Variants in SHISA9 observed in about 807,000 individuals in gnomAD.
SHISA9 encodes the protein shisa family member 9, also known as protein shisa-9.
SHISA9 carries 13 observed loss-of-function variants against 38.0 expected under a neutral mutation model. The observed-to-expected ratio is 0.34, with a 90% CI of 0.22 to 0.54. SHISA9 has a LOEUF of 0.54. Among genes scored for constraint, SHISA9 ranks in the 20% least tolerant of loss-of-function variants. The probability of loss-of-function intolerance (pLI) is 0.91; values close to 1 mark genes in which losing one functional copy is unlikely to be tolerated. For missense variants in SHISA9, 538 were observed against 575.8 expected (o/e 0.93, Z 0.67); for synonymous variants, 275 against 242.0 (o/e 1.14, Z -1.27).
the SHISA9 span, among the ~76,000 whole-genome samples, chr16:13,388,646 C>T: frequency 6.6e-6 from 1 of 152,174 alleles, no homozygotes; most frequent in Non-Finnish European, 1.5e-5. Flanking sequence ...CTGGTTCTAT[C>T]ATATGCTAAC....
At chr16:13,178,363 A>G (rs1005760003) in intron 2 of SHISA9, among the ~76,000 whole-genome samples, 11 of 150,896 alleles carry the variant, frequency 7.3e-5, no homozygotes, top group African/African-American at 2.7e-4. Flanking sequence ...TAAATTTTTA[A>G]TGGGACTGAA....
intron 2 of SHISA9, among the ~76,000 whole-genome samples, chr16:12,978,585 C>G (rs573392691): frequency 6.6e-6 from 1 of 152,278 alleles, no homozygotes; most frequent in East Asian, 1.9e-4. Flanking sequence ...ATATTTGCTT[C>G]CAAAGTAATC....
rs143875033 is a variant in SHISA9 at position 12,970,389 on chromosome 16, GTATA to G, written c.691+53585_691+53588del. Among the ~76,000 whole-genome samples, 87 of 34,676 alleles carry G rather than the reference GTATA, an allele frequency of 2.5e-3. 3 individuals are homozygous for G. The highest frequency in any genetic ancestry group is 0.031 in the Middle Eastern group (1 of 32). 22.7% of individuals were successfully genotyped at this position (34,676 alleles called of 152,430 possible). A position where few individuals can be genotyped will look rare whatever the true frequency, so the allele number is the denominator to read the frequency against. ...TATATACATATATATATACATATAT[GTATA>G]TATATATATACATATATATATATAC... On this transcript the variant is annotated intron_variant, in intron 2 of 4. Coordinates refer to ENST00000558583, the MANE Select transcript of SHISA9 (RefSeq NM_001145204.3).
intron 2 of SHISA9, among the ~76,000 whole-genome samples, chr16:13,011,739 T>C (rs1360159977): frequency 2.0e-5 from 3 of 152,202 alleles, no homozygotes; most frequent in Admixed American, 2.0e-4. Flanking sequence ...ACCAGGATGG[T>C]GTCGATCCCT....
chr16:13,115,203 G>C (rs995743584), intron 2 of SHISA9, among the ~76,000 whole-genome samples: 1 of 152,122 alleles, frequency 6.6e-6, no homozygotes, highest in African/African-American at 2.4e-5. Flanking sequence ...GCTGAGACCA[G>C]CTTGGTCAGG....
the SHISA9 span, among the ~76,000 whole-genome samples, chr16:13,432,908 C>G: frequency 2.6e-4 from 39 of 152,042 alleles, no homozygotes; most frequent in African/African-American, 6.8e-4. Context: ...ACCCTGGGGT[C>G]TATCGGAGGG....
the SHISA9 span, among the ~76,000 whole-genome samples, chr16:13,479,682 T>C: frequency 1.3e-5 from 2 of 152,352 alleles, no homozygotes; most frequent in East Asian, 1.9e-4. Context: ...TCCTCACGGC[T>C]GCATGAGGAT....
intron 2 of SHISA9, among the ~76,000 whole-genome samples, chr16:13,145,331 C>G (rs1388629868): frequency 2.0e-5 from 3 of 152,118 alleles, no homozygotes; most frequent in African/African-American, 7.2e-5. Flanking sequence ...TCAAGATCAG[C>G]CTGGTCAACA....
chr16:13,089,345 T>C (rs936324367), intron 2 of SHISA9, among the ~76,000 whole-genome samples: 4 of 152,240 alleles, frequency 2.6e-5, no homozygotes, highest in African/African-American at 9.6e-5. Flanking sequence ...TCCCTCTTTT[T>C]CTATTGACTG....
chr16:13,120,473 G>A (rs976981348), intron 2 of SHISA9, among the ~76,000 whole-genome samples: 2 of 152,304 alleles, frequency 1.3e-5, no homozygotes, highest in Middle Eastern at 3.4e-3. Flanking sequence ...TCCCATGGTC[G>A]TATGTAGGGC....
At chr16:13,043,248 G>C (rs1207723973) in intron 2 of SHISA9, among the ~76,000 whole-genome samples, 4 of 152,158 alleles carry the variant, frequency 2.6e-5, no homozygotes, top group Non-Finnish European at 2.9e-5. Flanking sequence ...GGTCTCAACA[G>C]GCCTGTCCCG....
chr16:13,417,194 T>A, the SHISA9 span, among the ~76,000 whole-genome samples: 2 of 152,102 alleles, frequency 1.3e-5, no homozygotes, highest in African/African-American at 4.8e-5. Flanking sequence ...ACTATTAACA[T>A]CAGCACGGGA....
intron 2 of SHISA9, among the ~76,000 whole-genome samples, chr16:12,976,449 A>G (rs1421686459): frequency 6.6e-6 from 1 of 152,054 alleles, no homozygotes; most frequent in East Asian, 1.9e-4. Context: ...CTTTTGAGCC[A>G]TTGACATGGG....
chr16:12,921,306 T>A (rs2071324923), intron 2 of SHISA9, among the ~76,000 whole-genome samples: 1 of 152,180 alleles, frequency 6.6e-6, no homozygotes, highest in South Asian at 2.1e-4. Flanking sequence ...CTGACTCTCC[T>A]AGGACAGTTC....
downstream of SHISA9, among the ~76,000 whole-genome samples, chr16:13,240,710 G>C (rs1040752125): frequency 2.0e-5 from 3 of 152,138 alleles, no homozygotes; most frequent in African/African-American, 7.2e-5. Flanking sequence ...ATTCTTAATG[G>C]TCAAGAATCT....
chr16:13,199,108 T>C (rs1406183547), intron 2 of SHISA9, among the ~76,000 whole-genome samples: 1 of 152,210 alleles, frequency 6.6e-6, no homozygotes, highest in East Asian at 1.9e-4. Context: ...TTTAGTATTT[T>C]CTCTGGCAGA....
chr16:13,501,518 G>A, the SHISA9 span, among the ~76,000 whole-genome samples: 2 of 152,170 alleles, frequency 1.3e-5, no homozygotes, highest in African/African-American at 2.4e-5. Context: ...ACATATGACA[G>A]CACCCTCTTC....
chr16:13,554,930 C>A, the SHISA9 span, among the ~76,000 whole-genome samples: 1 of 152,188 alleles, frequency 6.6e-6, no homozygotes, highest in African/African-American at 2.4e-5. Flanking sequence ...GGGAAACATC[C>A]CTGTGCCTTG....
At position 13,019,941 on chromosome 16, in the gene SHISA9, TTCTTTCTTTCTTTCTTTCCC is replaced by T. The variant is rs1567184222; in HGVS notation, c.691+103129_691+103148del. The stretch of plus-strand genomic sequence containing the variant: ...TTTCTTTCTTTCTTTCTTTCTTTCT[TTCTTTCTTTCTTTCTTTCCC>T]TCCTTCTTTCCTTCCTTCCTTCCTT... On this transcript the variant is annotated intron_variant, in intron 2 of 4. Transcript: ENST00000558583. Among the ~76,000 whole-genome samples, 178 of 82,152 alleles carry T rather than the reference TTCTTTCTTTCTTTCTTTCCC, an allele frequency of 2.2e-3. 5 individuals are homozygous for T. The Middle Eastern group carries it at 0.023, about 10-fold the overall frequency. The allele number at this position is 82,152 out of a possible 152,430, so 53.9% of individuals were successfully genotyped here. A position where few individuals can be genotyped will look rare whatever the true frequency, so the allele number is the denominator to read the frequency against.
Sources: allele counts gnomAD v4.1 joint callset (sites outside exome capture counted in the v4.1 genomes callset), GRCh38; gene constraint gnomAD v4.1.1; transcripts MANE v1.5; gene names NCBI Gene and HGNC (gene_info 2026-07-23, HGNC 2026-07-21).